The following KIF3B variants were observed in gnomAD, a reference collection of about 807,000 sequenced individuals.
The protein encoded by KIF3B is kinesin-like protein KIF3B.
KIF3B carries 38 observed loss-of-function variants against 74.3 expected under a neutral mutation model. The ratio of observed to expected loss-of-function variants is 0.51; its 90% CI spans 0.39 to 0.67. The LOEUF is 0.67. KIF3B is among the 30% of genes least tolerant of loss of function. The pLI is 0.00. For missense variants in KIF3B, 649 were observed against 932.0 expected (o/e 0.70, Z 3.95); for synonymous variants, 326 against 342.5 (o/e 0.95, Z 0.53).
chr20:32,327,839 C>T (rs2047911725), intron 7 of KIF3B, among the ~76,000 whole-genome samples, 178 bp downstream of exon 7: 2 of 152,196 alleles, frequency 1.3e-5, no homozygotes, highest in Admixed American at 1.3e-4. Flanking sequence ...GTAGCTCACA[C>T]TTGTAATCCC....
chr20:32,322,103 T>C (rs2047862821), intron 5 of KIF3B, among the ~76,000 whole-genome samples: 1 of 152,152 alleles, frequency 6.6e-6, no homozygotes. Context: ...TTGGGCAATA[T>C]TGTAATCTTA....
At chr20:32,300,719 C>G (rs1184490428) in intron 1 of KIF3B, among the ~76,000 whole-genome samples, 1 of 152,108 alleles carries the variant, frequency 6.6e-6, no homozygotes, top group Non-Finnish European at 1.5e-5. Flanking sequence ...CAGCCTGTTT[C>G]TAGTTTTTCT....
At chr20:32,286,574 AT>A (rs919323559) in intron 1 of KIF3B, among the ~76,000 whole-genome samples, 5 of 152,102 alleles carry the variant, frequency 3.3e-5, no homozygotes, top group African/African-American at 1.2e-4. Context: ...AAAATATATA[AT>A]TTTTTCCGAT....
chr20:32,307,747 A>G (rs1006656991), intron 1 of KIF3B, among the ~76,000 whole-genome samples: 2 of 151,884 alleles, frequency 1.3e-5, no homozygotes, highest in Non-Finnish European at 2.9e-5. Flanking sequence ...GTGAAACCCT[A>G]TCTCTCCTAA....
At chr20:32,288,974 G>A (rs981626862) in intron 1 of KIF3B, among the ~76,000 whole-genome samples, 1 of 152,270 alleles carries the variant, frequency 6.6e-6, no homozygotes, top group African/African-American at 2.4e-5. Flanking sequence ...GGTAGCATGC[G>A]TAGGCATGAA....
intron 1 of KIF3B, among the ~76,000 whole-genome samples, chr20:32,302,697 G>A (rs900496890): frequency 6.6e-6 from 1 of 152,162 alleles, no homozygotes; most frequent in East Asian, 1.9e-4. Context: ...GCAGGCTCGT[G>A]CACTGAAACA....
chr20:32,322,850 A>G (rs2047875531), intron 5 of KIF3B, among the ~76,000 whole-genome samples: 1 of 81,326 alleles, frequency 1.2e-5, no homozygotes, highest in African/African-American at 5.3e-5. Context: ...ATATTTATAT[A>G]TATTTATATA....
rs549851262 is a variant in KIF3B, at chr20:32,298,069, C to T, written c.-65-11644C>T. Among the ~76,000 whole-genome samples the T allele has an allele frequency of 1.1e-4, 17 of 149,930 alleles. No individual in the cohort carries two copies. In the East Asian group the frequency reaches 1.8e-3, roughly 16 times the overall value. On this transcript the variant is annotated intron_variant, in intron 1 of 8. Coordinates refer to ENST00000375712, the MANE Select transcript of KIF3B (RefSeq NM_004798.4). Reference sequence around the variant, plus strand: ...AGGTTGCAGTGAGCCAAGATCATGTCGTTGCACTCCAGCCTGGACAAGAGT... The same window carrying T: ...AGGTTGCAGTGAGCCAAGATCATGTTGTTGCACTCCAGCCTGGACAAGAGT...
chr20:32,281,695 C>A (rs1409290848), intron 1 of KIF3B, among the ~76,000 whole-genome samples: 1 of 151,876 alleles, frequency 6.6e-6, no homozygotes, highest in Non-Finnish European at 1.5e-5. Flanking sequence ...CCAGCCTGGG[C>A]AACAGAGCGA....
At chr20:32,297,058 C>T (rs904126992) in intron 1 of KIF3B, among the ~76,000 whole-genome samples, 1 of 151,906 alleles carries the variant, frequency 6.6e-6, no homozygotes, top group Non-Finnish European at 1.5e-5. Context: ...GAAGCCTGTC[C>T]AGGGAATTGG....
At chr20:32,328,463 G>A (rs1289498348) in intron 7 of KIF3B, among the ~76,000 whole-genome samples, 4 of 151,546 alleles carry the variant, frequency 2.6e-5, no homozygotes, top group African/African-American at 4.8e-5. Context: ...AAAATTAGCC[G>A]GGTATGGTGG....
chr20:32,310,824 C>T lies in KIF3B; in HGVS notation c.1047C>T (p.Asp349=), dbSNP rs768575942. The T allele has an allele frequency of 6.2e-7, 1 of 1,614,066 alleles. No homozygotes were observed. Among genetic ancestry groups the T allele is most frequent in the Non-Finnish European group, 8.5e-7 (1 of 1,180,000 alleles). Residue 349 remains aspartate (D), a synonymous_variant, in exon 2 of 9, where the codon GAC becomes GAT. Coordinates refer to ENST00000375712, the MANE Select transcript of KIF3B (RefSeq NM_004798.4). The surrounding 1 kb of genome is among the most constrained non-coding windows in gnomAD (Gnocchi z 6.5). ...NIKNKPRVNE[D]PKDALLREFQ... Reference sequence around the variant, plus strand: ...AGAACAAACCAAGGGTCAATGAGGACCCCAAGGATGCCCTCCTTCGAGAAT... The same window carrying T: ...AGAACAAACCAAGGGTCAATGAGGATCCCAAGGATGCCCTCCTTCGAGAAT...
intron 1 of KIF3B, among the ~76,000 whole-genome samples, chr20:32,293,138 C>T (rs1024322477): frequency 1.3e-5 from 2 of 151,982 alleles, no homozygotes; most frequent in Non-Finnish European, 2.9e-5. Context: ...CTTATAGTCC[C>T]AGGTACTTGG....
chr20:32,329,000 TGG>T (rs1186965489), intron 7 of KIF3B, among the ~76,000 whole-genome samples: 2 of 152,204 alleles, frequency 1.3e-5, no homozygotes, highest in Non-Finnish European at 2.9e-5. Flanking sequence ...CCCTGTCTCC[TGG>T]GTTCAAGCAA....
intron 5 of KIF3B, among the ~76,000 whole-genome samples, chr20:32,317,839 C>T (rs1202392004): frequency 6.6e-6 from 1 of 152,064 alleles, no homozygotes; most frequent in Non-Finnish European, 1.5e-5. Flanking sequence ...TAGAGTCTCT[C>T]TATGTTACCT....
At position 32,333,091 on chromosome 20, in the gene KIF3B, C is replaced by T. The variant is rs2047937690; in HGVS notation, c.*1772C>T. 6.6e-6 allele frequency: 1 copy of T among 152,538 alleles called. No homozygotes were observed. Among genetic ancestry groups the T allele is most frequent in the Non-Finnish European group, 1.5e-5 (1 of 68,042 alleles). 9.4% of individuals were successfully genotyped at this position (152,538 alleles called of 1,614,324 possible). A position where few individuals can be genotyped will look rare whatever the true frequency, so the allele number is the denominator to read the frequency against. On this transcript the variant is annotated 3_prime_UTR_variant, in exon 9 of 9. Coordinates refer to ENST00000375712, the MANE Select transcript of KIF3B (RefSeq NM_004798.4). ...GATCTGTTGTCCAGCGGCTTATCTC[C>T]TTTTTAGTAACCCTTCTTTCTGAAC...
Position 32,331,636 on chromosome 20 carries a change from CT to C in KIF3B, c.*318del, listed in dbSNP as rs1831295406. 1 of 338,208 alleles carries C rather than the reference CT, an allele frequency of 3.0e-6. No individual in the cohort carries two copies. The highest frequency in any genetic ancestry group is 5.3e-5 in the Admixed American group (1 of 18,956). 21.0% of individuals were successfully genotyped at this position (338,208 alleles called of 1,614,324 possible). A position where few individuals can be genotyped will look rare whatever the true frequency, so the allele number is the denominator to read the frequency against. ...CCCTTGCCTTCTTCTCCCCCTTCCC[CT>C]GTGCTCCCTTTCTCTCCTCTCTCCT... On this transcript the variant is annotated 3_prime_UTR_variant, in exon 9 of 9. Coordinates refer to ENST00000375712, the MANE Select transcript of KIF3B (RefSeq NM_004798.4).
chr20:32,282,735 G>T (rs1021151181), intron 1 of KIF3B, among the ~76,000 whole-genome samples: 8 of 152,184 alleles, frequency 5.3e-5, no homozygotes, highest in African/African-American at 1.9e-4. Flanking sequence ...CACTAGTGAA[G>T]TTCACTTGGT....
chr20:32,322,977 C>T (rs111220294), intron 5 of KIF3B, among the ~76,000 whole-genome samples: 3 of 236 alleles, frequency 0.013, no homozygotes, highest in Non-Finnish European at 0.011. Flanking sequence ...TATATATATA[C>T]ACATATTTAT....
Sources: gnomAD v4.1 joint callset for allele counts (sites outside exome capture counted in the v4.1 genomes callset) on GRCh38, gnomAD v4.1.1 for gene constraint, Gnocchi (gnomAD v3.1) non-coding constraint, MANE v1.5 for transcripts, NCBI Gene and HGNC (gene_info 2026-07-23, HGNC 2026-07-21) for gene names.